The following SS18 variants were observed in gnomAD, a reference collection of about 807,000 sequenced individuals.
SS18 encodes the protein protein SSXT.
SS18 carries 28 observed loss-of-function variants against 72.5 expected under a neutral mutation model. That is an observed-to-expected ratio of 0.39 (90% CI 0.29 to 0.53). SS18 has a LOEUF of 0.53. SS18 is among the 20% of genes least tolerant of loss of function. SS18 has a pLI of 0.76. For synonymous variants in SS18, 172 were observed against 164.2 expected (o/e 1.05, Z -0.37); for missense variants, 518 against 535.3 (o/e 0.97, Z 0.32).
At chr18:26,037,956 C>G (rs973566379) in intron 7 of SS18, among the ~76,000 whole-genome samples, 2 of 151,922 alleles carry the variant, frequency 1.3e-5, no homozygotes, top group African/African-American at 4.8e-5. Context: ...AAACAAAAAA[C>G]AAAAAACCCT....
At chr18:26,021,585 A>G (rs1341066486) in intron 10 of SS18, among the ~76,000 whole-genome samples, 10 of 152,246 alleles carry the variant, frequency 6.6e-5, no homozygotes, top group Admixed American at 6.5e-4. Flanking sequence ...GAAAGAAGAC[A>G]GTATGGAAGA....
Position 26,035,932 on chromosome 18 carries a change from A to G in SS18, c.881-9T>C. On this transcript the variant is annotated splice_polypyrimidine_tract_variant and intron_variant, in intron 7 of 10. Coordinates refer to ENST00000415083, the MANE Select transcript of SS18 (RefSeq NM_001007559.3). The surrounding 1 kb of genome is among the most constrained non-coding windows in gnomAD (Gnocchi z 4.4). Reference sequence around the variant, plus strand: ...ACCGTAATCATTATGACCTACATCAATTCGACAAGAGACAGGAAGAAACGT... The same window carrying G: ...ACCGTAATCATTATGACCTACATCAGTTCGACAAGAGACAGGAAGAAACGT... 1 of 1,584,968 alleles carries G rather than the reference A, an allele frequency of 6.3e-7. No homozygotes were observed. Among genetic ancestry groups the G allele is most frequent in the Non-Finnish European group, 8.6e-7 (1 of 1,160,724 alleles).
rs2053254064 is a variant in SS18 at position 26,016,440 on chromosome 18, T to A, written c.*1914A>T. 1 of 181,986 alleles carries A rather than the reference T, an allele frequency of 5.5e-6. No individual in the cohort carries two copies. Among genetic ancestry groups the A allele is most frequent in the African/African-American group, 2.4e-5 (1 of 42,468 alleles). 11.3% of individuals were successfully genotyped at this position (181,986 alleles called of 1,614,324 possible). ...TCAAGTTGAAAGAAAAAACCTATTC[T>A]GGCCAGGCACGGTGGCTCACGCCTG... On this transcript the variant is annotated 3_prime_UTR_variant, in exon 11 of 11. Transcript: ENST00000415083.
At chr18:26,019,803 A>G (rs2053314873) in intron 10 of SS18, among the ~76,000 whole-genome samples, 1 of 150,840 alleles carries the variant, frequency 6.6e-6, no homozygotes, top group African/African-American at 2.4e-5. Flanking sequence ...AAAAAAAAAA[A>G]AAAAAAAAAA....
intron 4 of SS18, among the ~76,000 whole-genome samples, chr18:26,053,139 A>T (rs1223511904): frequency 6.6e-6 from 1 of 152,226 alleles, no homozygotes; most frequent in Non-Finnish European, 1.5e-5. Context: ...TTAACTATGA[A>T]CATAAATGAA....
At chr18:26,069,507 T>TA (rs11329781) in intron 3 of SS18, among the ~76,000 whole-genome samples, 1,644 of 85,938 alleles carry the variant, frequency 0.019, 25 homozygotes, top group African/African-American at 0.036. Flanking sequence ...CCTACCAAAG[T>TA]AAAAAAAAAA....
chr18:26,021,789 C>A (rs12963512), intron 10 of SS18, among the ~76,000 whole-genome samples: 1 of 152,072 alleles, frequency 6.6e-6, no homozygotes, highest in Non-Finnish European at 1.5e-5. Flanking sequence ...GGTGATAGTA[C>A]CCCTCTCTTT....
intron 9 of SS18, among the ~76,000 whole-genome samples, chr18:26,034,344 C>T (rs1301107660): frequency 6.6e-6 from 1 of 152,116 alleles, no homozygotes; most frequent in Non-Finnish European, 1.5e-5. Context: ...TTATAGTAGC[C>T]TGAGAGTTAA....
At chr18:26,041,449 G>A (rs117172083) in intron 5 of SS18, among the ~76,000 whole-genome samples, 2,081 of 151,214 alleles carry the variant, frequency 0.014, 17 homozygotes, top group Non-Finnish European at 0.019. Context: ...AACAAAACAC[G>A]AAACAAATTC....
chr18:26,067,894 G>A (rs895371361), intron 3 of SS18, among the ~76,000 whole-genome samples: 7 of 152,180 alleles, frequency 4.6e-5, no homozygotes, highest in Non-Finnish European at 7.3e-5. Context: ...GGGCAGGCGA[G>A]GGATGATTTC....
At position 26,087,369 on chromosome 18, in the gene SS18, A is replaced by T. The variant is rs571804153; in HGVS notation, c.146+132T>A. On this transcript the variant is annotated intron_variant, in intron 2 of 10. Coordinates refer to ENST00000415083, the MANE Select transcript of SS18 (RefSeq NM_001007559.3). ...CAACTCTATGAATATACTAAAAAAC[A>T]TTGAATTGTACACATTAAAATAGGT... is the stretch of plus-strand genomic sequence containing the variant. 5.5e-5 allele frequency: 33 copies of T among 598,468 alleles called. No individual in the cohort carries two copies. The Admixed American group carries it at 1.0e-3, about 19-fold the overall frequency. 37.1% of individuals were successfully genotyped at this position (598,468 alleles called of 1,614,324 possible). A position where few individuals can be genotyped will look rare whatever the true frequency, so the allele number is the denominator to read the frequency against.
At chr18:26,042,690 T>C (rs1166419345) in intron 5 of SS18, among the ~76,000 whole-genome samples, 2 of 151,854 alleles carry the variant, frequency 1.3e-5, no homozygotes, top group East Asian at 1.9e-4. Flanking sequence ...ATCAAATTTA[T>C]TGAGTACTTA....
intron 10 of SS18, among the ~76,000 whole-genome samples, chr18:26,029,109 A>T (rs991694938): frequency 3.3e-5 from 5 of 152,186 alleles, no homozygotes; most frequent in Non-Finnish European, 7.3e-5. Flanking sequence ...GGGGCAGCAA[A>T]TACAAAGATT....
chr18:26,018,997 A>G (rs972913418), intron 10 of SS18, among the ~76,000 whole-genome samples: 3 of 152,194 alleles, frequency 2.0e-5, no homozygotes, highest in African/African-American at 7.2e-5. Context: ...TGTTTTCTTA[A>G]TAAGGTAGAC....
intron 3 of SS18, among the ~76,000 whole-genome samples, chr18:26,076,224 T>A (rs1431590067): frequency 3.3e-5 from 5 of 151,592 alleles, no homozygotes; most frequent in African/African-American, 1.2e-4. Context: ...ATACTGATGT[T>A]TAAGTGTATA....
chr18:26,060,741 A>G (rs974325469), intron 3 of SS18, among the ~76,000 whole-genome samples: 2 of 128,062 alleles, frequency 1.6e-5, no homozygotes, highest in African/African-American at 2.8e-5. Flanking sequence ...CCTGGCCAAC[A>G]TGGTGAAACT....
intron 5 of SS18, among the ~76,000 whole-genome samples, chr18:26,042,126 A>G (rs1456819767): frequency 6.6e-6 from 1 of 152,228 alleles, no homozygotes; most frequent in Non-Finnish European, 1.5e-5. Context: ...GGATAATGAA[A>G]TTATGCTACA....
intron 10 of SS18, among the ~76,000 whole-genome samples, chr18:26,021,559 TAAAG>T (rs2053350521): frequency 6.6e-6 from 1 of 152,274 alleles, no homozygotes; most frequent in East Asian, 1.9e-4. Flanking sequence ...GACTACAGTA[TAAAG>T]AATTTTAATG....
At chr18:26,019,764 C>A (rs2053312608) in intron 10 of SS18, among the ~76,000 whole-genome samples, 1 of 119,870 alleles carries the variant, frequency 8.3e-6, no homozygotes, top group African/African-American at 3.2e-5. Flanking sequence ...TGCACTCTAG[C>A]TTGAGCAACA....
Sources: gnomAD v4.1 joint callset for allele counts (sites outside exome capture counted in the v4.1 genomes callset) on GRCh38, gnomAD v4.1.1 for gene constraint, Gnocchi (gnomAD v3.1) non-coding constraint, MANE v1.5 for transcripts, NCBI Gene and HGNC (gene_info 2026-07-23, HGNC 2026-07-21) for gene names.